RAPGEF4: variants seen among roughly 807,000 people sequenced by gnomAD.
RAPGEF4 encodes the protein Rap guanine nucleotide exchange factor 4.
Under a neutral mutation model 147.9 loss-of-function variants are expected in RAPGEF4, and 66 were observed. That is an observed-to-expected ratio of 0.45 (90% confidence interval 0.37 to 0.55). The LOEUF (loss-of-function observed/expected upper bound fraction) is 0.55, where lower values mean the gene tolerates loss of function less well. Among genes scored for constraint, RAPGEF4 ranks in the 20% least tolerant of loss-of-function variants. RAPGEF4 has a pLI of 0.00. For missense variants in RAPGEF4, 1,071 were observed against 1,257.3 expected (o/e 0.85, Z 2.24); for synonymous variants, 419 against 442.7 (o/e 0.95, Z 0.67).
rs529103029 is a variant in RAPGEF4, at chr2:172,778,956, G to C, written c.66-16069G>C. On this transcript the variant is annotated intron_variant, in intron 1 of 30. Coordinates refer to ENST00000397081, the MANE Select transcript of RAPGEF4 (RefSeq NM_007023.4). ...GGTATTCTGAGGAGTTATTATTACTGTTTTGGTAAGTATGGTAGAGAACAT... is the reference window on the plus strand; with the variant it reads ...GGTATTCTGAGGAGTTATTATTACTCTTTTGGTAAGTATGGTAGAGAACAT... Among the ~76,000 whole-genome samples the C allele has an allele frequency of 1.2e-3, 190 of 152,236 alleles. No homozygotes were observed. The Middle Eastern group carries it at 0.014, about 11-fold the overall frequency.
At chr2:172,948,886 G>T (rs575645938) in intron 6 of RAPGEF4, among the ~76,000 whole-genome samples, 9 of 152,130 alleles carry the variant, frequency 5.9e-5, no homozygotes, top group Non-Finnish European at 1.3e-4. Context: ...TAAATCCTCT[G>T]TACAACAAAC....
intron 3 of RAPGEF4, among the ~76,000 whole-genome samples, chr2:172,813,763 G>T (rs1688241687): frequency 6.6e-6 from 1 of 151,894 alleles, no homozygotes; most frequent in Non-Finnish European, 1.5e-5. Flanking sequence ...AAAAAGGTAA[G>T]ATTCCTGCTG....
intron 4 of RAPGEF4, among the ~76,000 whole-genome samples, chr2:172,850,656 G>A (rs1309114178): frequency 6.6e-6 from 1 of 151,874 alleles, no homozygotes; most frequent in Non-Finnish European, 1.5e-5. Flanking sequence ...TAAAATGCAA[G>A]TAAATTTTAT....
chr2:172,780,407 G>A (rs1244679366), intron 1 of RAPGEF4, among the ~76,000 whole-genome samples: 1 of 152,196 alleles, frequency 6.6e-6, no homozygotes, highest in South Asian at 2.1e-4. Context: ...TTGTGATAAA[G>A]GCTAGTTAGC....
intron 4 of RAPGEF4, among the ~76,000 whole-genome samples, chr2:172,815,213 A>G (rs1472809297): frequency 1.3e-5 from 2 of 152,218 alleles, no homozygotes; most frequent in African/African-American, 4.8e-5. Flanking sequence ...AGGCTTCGCC[A>G]CTGGTCCCAG....
rs1400479422 is a variant in RAPGEF4, at chr2:172,988,853, A to G, written c.1374+14A>G. On this transcript the variant is annotated intron_variant, in intron 14 of 30. Transcript: ENST00000397081. ...CGGATCCTAAGGGTGAGTCCAAAGC[A>G]AAGTGTGGCTGAGAGACAGCCCATT... 4 of 1,611,690 alleles carry G rather than the reference A, an allele frequency of 2.5e-6. No individual in the cohort carries two copies. The highest frequency in any genetic ancestry group is 3.4e-6 in the Non-Finnish European group (4 of 1,179,200).
intron 4 of RAPGEF4, among the ~76,000 whole-genome samples, chr2:172,910,082 A>G (rs1699956656): frequency 6.6e-6 from 1 of 152,218 alleles, no homozygotes. Flanking sequence ...CCCTTGCCAG[A>G]CAGACACATT....
intron 1 of RAPGEF4, among the ~76,000 whole-genome samples, chr2:172,784,426 G>A (rs1049713501): frequency 1.5e-4 from 23 of 151,826 alleles, no homozygotes; most frequent in Non-Finnish European, 3.2e-4. Flanking sequence ...GCTGAGGCAG[G>A]AGAATGGCTT....
At position 172,761,773 on chromosome 2, in the gene RAPGEF4, C is replaced by CA. The variant is rs1336516446; in HGVS notation, c.65+25725_65+25726insA. ...AAATGTACAAGGAGATCAGTGGGTGCTAGAATGGGTAACTCTCAATGCAAG... is the reference window on the plus strand; with the variant it reads ...AAATGTACAAGGAGATCAGTGGGTGCATAGAATGGGTAACTCTCAATGCAAG... On this transcript the variant is annotated intron_variant, in intron 1 of 30. Transcript: ENST00000397081. Among the ~76,000 whole-genome samples, 22 of 152,088 alleles carry CA rather than the reference C, an allele frequency of 1.4e-4. 1 individual carries two copies. The highest frequency in any genetic ancestry group is 1.4e-3 in the Admixed American group (22 of 15,272).
chr2:172,804,588 A>G (rs1373781213), intron 3 of RAPGEF4, among the ~76,000 whole-genome samples: 7 of 152,162 alleles, frequency 4.6e-5, no homozygotes, highest in Admixed American at 1.3e-4. Flanking sequence ...TCCTGAGCCC[A>G]TCCAGCATTC....
At chr2:173,011,174 A>G (rs144716833) in intron 17 of RAPGEF4, among the ~76,000 whole-genome samples, 2,085 of 55,098 alleles carry the variant, frequency 0.038, 24 homozygotes, top group African/African-American at 0.1. Context: ...GCGCGCGCAC[A>G]CACACACACA....
Position 172,985,384 on chromosome 2 carries a change from C to T in RAPGEF4, c.1090-49C>T, listed in dbSNP as rs769553640. 1.9e-6 allele frequency: 3 copies of T among 1,613,546 alleles called. No homozygotes were observed. The East Asian group carries it at 6.7e-5, about 36-fold the overall frequency. Reference sequence around the variant, plus strand: ...CAGAAAGAGTACAACCCTTTTCCACCCAGACCTGGAAATGTGGCCTTTGCA... The same window carrying T: ...CAGAAAGAGTACAACCCTTTTCCACTCAGACCTGGAAATGTGGCCTTTGCA... On this transcript the variant is annotated intron_variant, in intron 11 of 30. Coordinates refer to ENST00000397081, the MANE Select transcript of RAPGEF4 (RefSeq NM_007023.4).
At chr2:172,847,667 G>A (rs765048198) in intron 4 of RAPGEF4, among the ~76,000 whole-genome samples, 1 of 152,194 alleles carries the variant, frequency 6.6e-6, no homozygotes, top group Non-Finnish European at 1.5e-5. Flanking sequence ...GGCCAGTACT[G>A]GTGGCTGGAG....
chr2:172,972,267 A>G (rs1690574174), intron 10 of RAPGEF4, among the ~76,000 whole-genome samples: 1 of 152,116 alleles, frequency 6.6e-6, no homozygotes, highest in South Asian at 2.1e-4. Flanking sequence ...TAGGATCTTT[A>G]TTTGTCTAAA....
rs761206328 is a variant in RAPGEF4 at position 172,958,821 on chromosome 2, C to G, written c.538-1939C>G. 8.3e-4 allele frequency among the ~76,000 whole-genome samples: 127 copies of G among 152,172 alleles called. 1 individual carries two copies. Among genetic ancestry groups the G allele is most frequent in the South Asian group, 4.1e-4 (2 of 4,830 alleles). On this transcript the variant is annotated intron_variant, in intron 6 of 30. Coordinates refer to ENST00000397081, the MANE Select transcript of RAPGEF4 (RefSeq NM_007023.4). ...TAAATACATCTGTATCTTATCTATG[C>G]TGTTATCTTAAAGTTTAGTATTCTT...
At chr2:172,806,472 T>G (rs1687507863) in intron 3 of RAPGEF4, among the ~76,000 whole-genome samples, 1 of 152,226 alleles carries the variant, frequency 6.6e-6, no homozygotes, top group African/African-American at 2.4e-5. Context: ...AGCTCTTATC[T>G]TAAATGAGCT....
At chr2:172,741,374 G>C (rs1389213045) in intron 1 of RAPGEF4, among the ~76,000 whole-genome samples, 1 of 152,206 alleles carries the variant, frequency 6.6e-6, no homozygotes, top group African/African-American at 2.4e-5. Context: ...GGGCAAGATG[G>C]CCACAGGCAT....
chr2:172,941,770 G>C (rs1441048600), intron 6 of RAPGEF4, among the ~76,000 whole-genome samples: 1 of 152,116 alleles, frequency 6.6e-6, no homozygotes, highest in Non-Finnish European at 1.5e-5. Context: ...ATGTGGGCTT[G>C]AGCAAGTTAC....
At chr2:172,848,724 AG>A (rs1692486798) in intron 4 of RAPGEF4, among the ~76,000 whole-genome samples, 1 of 151,992 alleles carries the variant, frequency 6.6e-6, no homozygotes, top group Non-Finnish European at 1.5e-5. Context: ...TATCTGGGGG[AG>A]GGGTGGGAAT....
Sources: allele counts gnomAD v4.1 joint callset (sites outside exome capture counted in the v4.1 genomes callset), GRCh38; gene constraint gnomAD v4.1.1; transcripts MANE v1.5; gene names NCBI Gene and HGNC (gene_info 2026-07-23, HGNC 2026-07-21).